Variants in KYNU observed in about 807,000 individuals in gnomAD.
The protein encoded by KYNU is L-kynurenine hydrolase.
KYNU carries 54 observed loss-of-function variants against 59.2 expected under a neutral mutation model. The observed-to-expected ratio is 0.91, with a 90% CI of 0.73 to 1.14. KYNU has a LOEUF of 1.14. KYNU is among the 50% of genes most tolerant of loss of function. The pLI is 0.00. For synonymous variants in KYNU, 177 were observed against 192.0 expected (o/e 0.92, Z 0.65); for missense variants, 567 against 554.4 (o/e 1.02, Z -0.23).
intron 2 of KYNU, among the ~76,000 whole-genome samples, chr2:142,890,245 C>T (rs1681671213): frequency 1.3e-5 from 2 of 152,054 alleles, no homozygotes; most frequent in African/African-American, 4.8e-5. Context: ...GGAAAGATAT[C>T]TTTCTAAAAT....
intron 3 of KYNU, among the ~76,000 whole-genome samples, chr2:142,924,790 C>CA (rs1682997703): frequency 6.6e-6 from 1 of 152,148 alleles, no homozygotes; most frequent in Non-Finnish European, 1.5e-5. Context: ...TTTGTTTGAA[C>CA]AATATATTTT....
In KYNU at chr2:143,010,978, T is replaced by A. The variant is rs1314646352; in HGVS notation, c.903-18649T>A. On this transcript the variant is annotated intron_variant, in intron 10 of 13. Transcript: ENST00000264170. The stretch of plus-strand genomic sequence containing the variant: ...AAAACCCTAGAAGAAAACCTAGGCA[T>A]GGCCATTCAGGACATAGGCATGGGC... 2.7e-5 allele frequency among the ~76,000 whole-genome samples: 4 copies of A among 146,156 alleles called. 1 individual carries two copies. Among genetic ancestry groups the A allele is most frequent in the South Asian group, 2.3e-4 (1 of 4,358 alleles).
At chr2:142,987,509 G>A (rs1685245254) in intron 10 of KYNU, among the ~76,000 whole-genome samples, 1 of 151,908 alleles carries the variant, frequency 6.6e-6, no homozygotes, top group Non-Finnish European at 1.5e-5. Context: ...TCTAGACAAT[G>A]TTTAAATCTA....
rs1050950 is a variant in KYNU at position 142,989,280 on chromosome 2, C to A, written c.902+3259C>A. On this transcript the variant is annotated intron_variant, in intron 10 of 13. Transcript: ENST00000264170. ...TTATATTTCAGTTGTTAGCATTCCA[C>A]GATTAGCTGGTTTAACTATGTTTAA... The A allele has an allele frequency of 0.24, 152,904 of 636,074 alleles. 20,938 individuals are homozygous for A. The highest frequency in any genetic ancestry group is 0.5 in the African/African-American group (25,247 of 50,432). The allele number at this position is 636,074 out of a possible 1,614,324, so 39.4% of individuals were successfully genotyped here.
chr2:143,043,797 TTATATAAATA>T lies in KYNU; in HGVS notation c.*1634_*1643del, dbSNP rs1446326494. ...TTTATATATTTATATTTTAATATAT[TTATATAAATA>T]TATATAAAGTATAATATATATAAAG... On this transcript the variant is annotated 3_prime_UTR_variant, in exon 14 of 14. Transcript: ENST00000264170. 2.0e-5 allele frequency: 3 copies of T among 146,872 alleles called. No individual in the cohort carries two copies. The highest frequency in any genetic ancestry group is 4.5e-5 in the Non-Finnish European group (3 of 66,876). 9.1% of individuals were successfully genotyped at this position (146,872 alleles called of 1,614,324 possible).
At chr2:143,023,227 A>G (rs1296539037) in intron 10 of KYNU, among the ~76,000 whole-genome samples, 1 of 151,862 alleles carries the variant, frequency 6.6e-6, no homozygotes, top group Non-Finnish European at 1.5e-5. Context: ...CTTTATCCTA[A>G]AAGTAATTTC....
chr2:142,976,050 G>A (rs13006799), intron 8 of KYNU, among the ~76,000 whole-genome samples: 25,589 of 152,000 alleles, frequency 0.17, 2,991 homozygotes, highest in African/African-American at 0.33. Context: ...AGTCATAGGT[G>A]AAGAAAGGCA....
chr2:142,920,647 T>C (rs954163979), intron 3 of KYNU, among the ~76,000 whole-genome samples: 1 of 149,958 alleles, frequency 6.7e-6, no homozygotes, highest in Admixed American at 6.6e-5. Flanking sequence ...TTAAACCTTC[T>C]TACTGAGTTT....
rs2118581 is a variant in KYNU at position 142,895,040 on chromosome 2, A to G, written c.169+9504A>G. On this transcript the variant is annotated intron_variant, in intron 2 of 13. Transcript: ENST00000264170. ...TAATTTCATCCTAAGATCTGCTCTTATCCCCCATTAAGAAGGATTGGTAGA... is the reference window on the plus strand; with the variant it reads ...TAATTTCATCCTAAGATCTGCTCTTGTCCCCCATTAAGAAGGATTGGTAGA... 7.6e-3 allele frequency among the ~76,000 whole-genome samples: 1,161 copies of G among 152,310 alleles called. 7 individuals carry two copies. The highest frequency in any genetic ancestry group is 0.027 in the African/African-American group (1,113 of 41,556).
Position 142,961,275 on chromosome 2 carries a change from CTTTTTTT to C in KYNU, c.729+523_729+529del, listed in dbSNP as rs1156276566. Among the ~76,000 whole-genome samples, 453 of 94,450 alleles carry C rather than the reference CTTTTTTT, an allele frequency of 4.8e-3. 1 individual carries two copies. The highest frequency in any genetic ancestry group is 0.019 in the African/African-American group (405 of 21,606). 62.0% of individuals were successfully genotyped at this position (94,450 alleles called of 152,430 possible). A position where few individuals can be genotyped will look rare whatever the true frequency, so the allele number is the denominator to read the frequency against. On this transcript the variant is annotated intron_variant, in intron 8 of 13. Coordinates refer to ENST00000264170, the MANE Select transcript of KYNU (RefSeq NM_003937.3). ...GCTTCAGGCATCTCTATTTAAACTG[CTTTTTTT>C]TTTTTTTTTTTTTTTTTGCCACTTC...
chr2:143,035,001 T>C (rs1053171844), intron 12 of KYNU, among the ~76,000 whole-genome samples: 1 of 152,232 alleles, frequency 6.6e-6, no homozygotes, highest in Admixed American at 6.5e-5. Context: ...CACCCTTCTC[T>C]TGTGGGAAAG....
rs753547596 is a variant in KYNU, at chr2:142,927,667, A to G, written c.299A>G (p.Tyr100Cys). ...ELDKWAKIAAYGHEVGKRPWI... is the reference protein window; with the variant it reads ...ELDKWAKIAACGHEVGKRPWI... ...TCCGTTTTCAATTTCAGAGCAGCCT[A>G]TGGTCATGAAGTGGGGAAGCGTCCT... The change falls in exon 4 of 14, where the codon TAT (tyrosine) becomes TGT (cysteine). Residue 100 changes from tyrosine to cysteine, a missense_variant. Tyr to Cys is a radical substitution (Grantham distance 194). Transcript: ENST00000264170. 2.8e-5 allele frequency: 45 copies of G among 1,612,342 alleles called. No homozygotes were observed. Among genetic ancestry groups the G allele is most frequent in the Non-Finnish European group, 3.5e-5 (41 of 1,178,654 alleles).
intron 10 of KYNU, among the ~76,000 whole-genome samples, chr2:143,022,737 G>A (rs1686443351): frequency 6.6e-6 from 1 of 151,900 alleles, no homozygotes; most frequent in South Asian, 2.1e-4. Flanking sequence ...GGATGAATAA[G>A]TAATATTCTC....
At chr2:142,897,482 A>C (rs1040786001) in intron 2 of KYNU, among the ~76,000 whole-genome samples, 11 of 152,240 alleles carry the variant, frequency 7.2e-5, no homozygotes, top group Admixed American at 2.6e-4. Context: ...ATAATTAGAC[A>C]GTTGTCACCC....
intron 10 of KYNU, among the ~76,000 whole-genome samples, chr2:143,026,798 T>G (rs1264434901): frequency 6.6e-6 from 1 of 152,178 alleles, no homozygotes; most frequent in African/African-American, 2.4e-5. Flanking sequence ...GGCCTCTGAC[T>G]TTTCACATGA....
chr2:142,922,838 G>A (rs180767904), intron 3 of KYNU, among the ~76,000 whole-genome samples: 26 of 152,286 alleles, frequency 1.7e-4, no homozygotes, highest in Admixed American at 1.1e-3. Flanking sequence ...GTTTGTTCCC[G>A]CTGCTATACA....
At chr2:143,013,241 C>A (rs1686161030) in intron 10 of KYNU, among the ~76,000 whole-genome samples, 1 of 151,752 alleles carries the variant, frequency 6.6e-6, no homozygotes, top group South Asian at 2.1e-4. Context: ...TTTTTTAGGG[C>A]TAAATAATAT....
At chr2:142,930,090 T>C (rs1175478180) in intron 4 of KYNU, among the ~76,000 whole-genome samples, 1 of 152,208 alleles carries the variant, frequency 6.6e-6, no homozygotes, top group Non-Finnish European at 1.5e-5. Context: ...TTATCTGTCA[T>C]TTGATGTTAC....
intron 1 of KYNU, chr2:142,879,656 T>A (rs909063558): frequency 6.6e-6 from 1 of 152,224 alleles, no homozygotes; most frequent in Admixed American, 6.5e-5. Flanking sequence ...GGACTCAGCA[T>A]CTCAGGCATG....
Sources: gnomAD v4.1 joint callset for allele counts (sites outside exome capture counted in the v4.1 genomes callset) on GRCh38, gnomAD v4.1.1 for gene constraint, MANE v1.5 for transcripts, NCBI Gene and HGNC (gene_info 2026-07-23, HGNC 2026-07-21) for gene names.